ASH1L: variants seen among roughly 807,000 people sequenced by gnomAD.
ASH1L encodes ASH1 like histone lysine methyltransferase, also known as histone-lysine N-methyltransferase ASH1L.
In ASH1L, 23 loss-of-function variants were observed where a neutral mutation model predicts 269.0. The ratio of observed to expected loss-of-function variants is 0.09; its 90% CI spans 0.06 to 0.12. The LOEUF (loss-of-function observed/expected upper bound fraction) is 0.12, where lower values mean the gene tolerates loss of function less well. Among genes scored for constraint, ASH1L ranks in the 10% least tolerant of loss-of-function variants. The pLI, the probability that ASH1L is intolerant of heterozygous loss-of-function variation, is 1.00. For synonymous variants in ASH1L, 1,187 were observed against 1,253.5 expected, an observed-to-expected ratio of 0.95 and a Z score of 1.12; for missense variants, 2,912 against 3,567.8, an observed-to-expected ratio of 0.82 and a Z score of 4.68.
chr1:155,354,994 C>A (rs143678039), intron 15 of ASH1L, among the ~76,000 whole-genome samples: 2 of 152,154 alleles, frequency 1.3e-5, no homozygotes, highest in Non-Finnish European at 2.9e-5. Context: ...GGCAAAGACA[C>A]GTAAGATGGA....
In ASH1L at chr1:155,540,098, T is replaced by C. The variant is rs373220223; in HGVS notation, c.-99-18480A>G. The stretch of plus-strand genomic sequence containing the variant: ...AAAAAAAAATTCTGATAATGTAATT[T>C]CCCTGCTTAAAATCTTTGAATGTTT... On this transcript the variant is annotated intron_variant, in intron 1 of 27. Coordinates refer to ENST00000392403, the MANE Select transcript of ASH1L (RefSeq NM_018489.3). Among the ~76,000 whole-genome samples the C allele has an allele frequency of 1.4e-3, 212 of 152,068 alleles. 1 individual carries two copies. Among genetic ancestry groups the C allele is most frequent in the African/African-American group, 4.8e-3 (200 of 41,516 alleles).
intron 2 of ASH1L, among the ~76,000 whole-genome samples, chr1:155,509,573 C>T (rs1668032049): frequency 6.6e-6 from 1 of 152,090 alleles, no homozygotes; most frequent in African/African-American, 2.4e-5. Flanking sequence ...CCAAAGCAGG[C>T]CGATCACCTG....
intron 6 of ASH1L, among the ~76,000 whole-genome samples, chr1:155,398,128 C>T (rs1260802152): frequency 6.6e-6 from 1 of 152,144 alleles, no homozygotes; most frequent in African/African-American, 2.4e-5. Context: ...TAATATACAT[C>T]TAGGACTATA....
In ASH1L at chr1:155,479,882, T is replaced by A. The variant is rs145545651; in HGVS notation, c.2988A>T (p.Lys996Asn). 4.3e-6 allele frequency: 7 copies of A among 1,612,114 alleles called. No homozygotes were observed. The African/African-American group carries it at 9.4e-5, about 22-fold the overall frequency. Residue 996 changes from lysine (K) to asparagine (N), a missense_variant, in exon 3 of 28, where the codon AAA becomes AAT. Physicochemically the swap from Lys to Asn is moderately conservative, Grantham distance 94. Transcript: ENST00000392403. ...AACTTGAAAGAATCTGATTCAACAG[T>A]TTCTTTCTCTTTAAAGTCTTCATTT... ...INKMKTLKRKKLLNQILSSSV... is the reference protein window; with the variant it reads ...INKMKTLKRKNLLNQILSSSV...
chr1:155,541,823 A>C (rs1670444529), intron 1 of ASH1L, among the ~76,000 whole-genome samples: 1 of 152,182 alleles, frequency 6.6e-6, no homozygotes, highest in Non-Finnish European at 1.5e-5. Context: ...TCCTAATTTT[A>C]GAAATATTAA....
At chr1:155,388,287 T>C (rs1657610032) in intron 7 of ASH1L, among the ~76,000 whole-genome samples, 1 of 152,074 alleles carries the variant, frequency 6.6e-6, no homozygotes, top group Non-Finnish European at 1.5e-5. Flanking sequence ...CCAGTGACCT[T>C]TTTCTTTTCT....
intron 6 of ASH1L, among the ~76,000 whole-genome samples, chr1:155,403,651 A>G (rs1257561163): frequency 6.6e-6 from 1 of 152,174 alleles, no homozygotes; most frequent in Non-Finnish European, 1.5e-5. Context: ...GTATTAGCCC[A>G]GACTAATATA....
At chr1:155,348,650 G>T (rs1653580466) in intron 19 of ASH1L, among the ~76,000 whole-genome samples, 1 of 152,054 alleles carries the variant, frequency 6.6e-6, no homozygotes, top group African/African-American at 2.4e-5. Flanking sequence ...GGGAGGCCAA[G>T]GCAGGCAGAT....
At position 155,438,351 on chromosome 1, in the gene ASH1L, T is replaced by C; in HGVS notation, c.5804A>G (p.Glu1935Gly). ...CCTTTTATTATTCTCTTGCTCTTCT[T>C]CCTCTGGTAATGGCTTCTGCTTTTT... Reference protein sequence around the residue: ...TRKKQKPLPEEEEQENNKSFN... With the variant: ...TRKKQKPLPEGEEQENNKSFN... Residue 1935 changes from glutamate to glycine, a missense_variant, in exon 5 of 28, where the codon GAA becomes GGA. By Grantham distance (98) the Glu-to-Gly change is moderately conservative (BLOSUM62 -2). Around this residue, in one of 13 missense-constraint regions of ASH1L, gnomAD observed 789 missense variants for 897.6 expected, o/e 0.88. Coordinates refer to ENST00000392403, the MANE Select transcript of ASH1L (RefSeq NM_018489.3). 6.4e-7 allele frequency: 1 copy of C among 1,574,494 alleles called. No individual in the cohort carries two copies. Among genetic ancestry groups the C allele is most frequent in the South Asian group, 1.2e-5 (1 of 84,250 alleles).
chr1:155,528,949 G>A (rs1049524279), intron 1 of ASH1L, among the ~76,000 whole-genome samples: 2 of 151,952 alleles, frequency 1.3e-5, no homozygotes, highest in African/African-American at 2.4e-5. Context: ...AGAACATACA[G>A]TATTTGATTT....
At chr1:155,483,995 A>AAT (rs1485756081) in intron 2 of ASH1L, among the ~76,000 whole-genome samples, 5 of 152,148 alleles carry the variant, frequency 3.3e-5, no homozygotes, top group Non-Finnish European at 7.4e-5. Flanking sequence ...GAAGAATATG[A>AAT]ATATATATAT....
At chr1:155,511,008 G>A (rs537963375) in intron 2 of ASH1L, among the ~76,000 whole-genome samples, 1 of 151,988 alleles carries the variant, frequency 6.6e-6, no homozygotes, top group Non-Finnish European at 1.5e-5. Flanking sequence ...CTCAACTTTT[G>A]AACCTCAAAT....
Position 155,337,556 on chromosome 1 carries a change from G to A in ASH1L, c.*104C>T, listed in dbSNP as rs1652415318. The stretch of plus-strand genomic sequence containing the variant: ...TCAACAACATGGCCCCATTCCCCTT[G>A]CCCAGATGGACCCTTCCCACCCCTG... On this transcript the variant is annotated 3_prime_UTR_variant, in exon 28 of 28. Coordinates refer to ENST00000392403, the MANE Select transcript of ASH1L (RefSeq NM_018489.3). 3 of 905,894 alleles carry A rather than the reference G, an allele frequency of 3.3e-6. No individual in the cohort carries two copies. Among genetic ancestry groups the A allele is most frequent in the South Asian group, 2.8e-5 (2 of 70,304 alleles). 56.1% of individuals were successfully genotyped at this position (905,894 alleles called of 1,614,324 possible). A position where few individuals can be genotyped will look rare whatever the true frequency, so the allele number is the denominator to read the frequency against.
At chr1:155,392,615 A>G (rs1411911892) in intron 7 of ASH1L, among the ~76,000 whole-genome samples, 1 of 151,978 alleles carries the variant, frequency 6.6e-6, no homozygotes. Flanking sequence ...CAGCCTCTTG[A>G]GGAGCTGGGA....
chr1:155,367,134 C>T (rs1397798015), intron 12 of ASH1L, among the ~76,000 whole-genome samples: 1 of 151,766 alleles, frequency 6.6e-6, no homozygotes, highest in Non-Finnish European at 1.5e-5. Context: ...GCTGGGACTA[C>T]AGGTGCATGC....
At chr1:155,398,548 T>C (rs1658555811) in intron 6 of ASH1L, among the ~76,000 whole-genome samples, 1 of 152,164 alleles carries the variant, frequency 6.6e-6, no homozygotes, top group South Asian at 2.1e-4. Flanking sequence ...GTACTTACCA[T>C]GAATGGACCT....
intron 17 of ASH1L, 32 bp from the exon 18 acceptor site, chr1:155,349,628 T>C: frequency 1.2e-6 from 2 of 1,607,436 alleles, no homozygotes; most frequent in South Asian, 1.1e-5. Context: ...AGTAGAAAGA[T>C]TCCACCATAC....
At chr1:155,484,157 T>C (rs140541185) in intron 2 of ASH1L, among the ~76,000 whole-genome samples, 253 of 152,274 alleles carry the variant, frequency 1.7e-3, no homozygotes, top group Middle Eastern at 3.4e-3. Flanking sequence ...GAAACAAAGT[T>C]ATATATAATA....
intron 1 of ASH1L, among the ~76,000 whole-genome samples, chr1:155,534,764 T>C (rs1669934170): frequency 6.6e-6 from 1 of 152,168 alleles, no homozygotes. Flanking sequence ...AATGAAAAAG[T>C]TAACGGAATT....
Sources: gnomAD v4.1 joint callset for allele counts (sites outside exome capture counted in the v4.1 genomes callset) on GRCh38, gnomAD v4.1.1 for gene constraint, gnomAD v4.1.1 regional missense constraint, MANE v1.5 for transcripts, NCBI Gene and HGNC (gene_info 2026-07-23, HGNC 2026-07-21) for gene names.